The following KLF12 variants were observed in gnomAD, a reference collection of about 807,000 sequenced individuals.
KLF12 encodes KLF transcription factor 12, also known as Krueppel-like factor 12.
A neutral mutation model predicts 37.8 loss-of-function variants in KLF12; 9 were observed. The observed-to-expected ratio is 0.24, with a 90% CI of 0.14 to 0.42. The LOEUF (loss-of-function observed/expected upper bound fraction) is 0.42, where lower values mean the gene tolerates loss of function less well. Among genes scored for constraint, KLF12 ranks in the 10% least tolerant of loss-of-function variants. The pLI is 1.00. For missense variants in KLF12, 411 were observed against 516.0 expected (o/e 0.80, Z 1.97); for synonymous variants, 208 against 202.1 (o/e 1.03, Z -0.25).
At chr13:73,949,186 T>C (rs931975599) in intron 2 of KLF12, among the ~76,000 whole-genome samples, 1 of 152,206 alleles carries the variant, frequency 6.6e-6, no homozygotes, top group Non-Finnish European at 1.5e-5. Flanking sequence ...CCATACTCTA[T>C]GTACCTACCT....
At chr13:73,697,621 T>G (rs995775131) in intron 7 of KLF12, among the ~76,000 whole-genome samples, 1 of 152,196 alleles carries the variant, frequency 6.6e-6, no homozygotes, top group Non-Finnish European at 1.5e-5. Context: ...TGAGCATAGT[T>G]GAGCTTGATA....
chr13:74,163,183 A>G, the KLF12 span, among the ~76,000 whole-genome samples: 18 of 152,338 alleles, frequency 1.2e-4, no homozygotes, highest in African/African-American at 4.3e-4. Flanking sequence ...AGGTTCCTCA[A>G]AAACCTAAAA....
rs1454169857 is a variant in KLF12, at chr13:73,688,266, C to G, written c.*7224G>C. On this transcript the variant is annotated 3_prime_UTR_variant, in exon 8 of 8. Coordinates refer to ENST00000377669, the MANE Select transcript of KLF12 (RefSeq NM_007249.5). The stretch of plus-strand genomic sequence containing the variant: ...GTTGGACAGCTTCTTACATAAAATT[C>G]AATTAAACTAACAACAATACTATAA... 1 of 152,554 alleles carries G rather than the reference C, an allele frequency of 6.6e-6. No homozygotes were observed. Among genetic ancestry groups the G allele is most frequent in the African/African-American group, 2.4e-5 (1 of 41,420 alleles). The allele number at this position is 152,554 out of a possible 1,614,324, so 9.5% of individuals were successfully genotyped here.
chr13:74,001,608 C>T (rs969852616), intron 1 of KLF12, among the ~76,000 whole-genome samples: 1 of 152,168 alleles, frequency 6.6e-6, no homozygotes, highest in Non-Finnish European at 1.5e-5. Context: ...TATGCTTGGG[C>T]TGCCAATGCT....
chr13:73,828,421 T>C (rs1883963970), intron 4 of KLF12, among the ~76,000 whole-genome samples: 1 of 152,338 alleles, frequency 6.6e-6, no homozygotes, highest in South Asian at 2.1e-4. Flanking sequence ...GTCTTTTAGA[T>C]ATAATGTCTC....
At chr13:73,697,395 C>T (rs548909763) in intron 7 of KLF12, among the ~76,000 whole-genome samples, 1 of 152,110 alleles carries the variant, frequency 6.6e-6, no homozygotes, top group East Asian at 1.9e-4. Flanking sequence ...AAGCCTACTG[C>T]CTGGATTGAC....
At chr13:74,059,726 A>G (rs886074643) in intron 1 of KLF12, among the ~76,000 whole-genome samples, 1 of 151,896 alleles carries the variant, frequency 6.6e-6, no homozygotes, top group African/African-American at 2.4e-5. Context: ...CATTCTGTAG[A>G]TTGCCTGTTT....
the KLF12 span, among the ~76,000 whole-genome samples, chr13:74,196,593 A>G: frequency 6.6e-6 from 1 of 152,138 alleles, no homozygotes; most frequent in Non-Finnish European, 1.5e-5. Context: ...TTCATTAAAT[A>G]TTCTCCATCT....
At chr13:74,002,736 A>G (rs1892312909) in intron 1 of KLF12, among the ~76,000 whole-genome samples, 1 of 152,248 alleles carries the variant, frequency 6.6e-6, no homozygotes, top group South Asian at 2.1e-4. Context: ...GAAGAAGGTC[A>G]ACTCAACCAT....
In KLF12 at chr13:73,933,490, G is replaced by C. The variant is rs534238652; in HGVS notation, c.123+10491C>G. 1.2e-3 allele frequency among the ~76,000 whole-genome samples: 177 copies of C among 152,214 alleles called. 1 individual carries two copies. The highest frequency in any genetic ancestry group is 3.9e-3 in the African/African-American group (161 of 41,540). On this transcript the variant is annotated intron_variant, in intron 3 of 7. Transcript: ENST00000377669. The stretch of plus-strand genomic sequence containing the variant: ...AATGTTATCAGACATAAGAATTCCA[G>C]TTTCTGATCTGAGGACAGGCCTTGT...
intron 3 of KLF12, among the ~76,000 whole-genome samples, chr13:73,863,562 T>G (rs1183797670): frequency 2.0e-5 from 3 of 152,270 alleles, no homozygotes; most frequent in African/African-American, 7.2e-5. Flanking sequence ...TCAGTTATTA[T>G]TTTATCTATT....
intron 1 of KLF12, among the ~76,000 whole-genome samples, chr13:74,078,236 G>T (rs1874679660): frequency 6.6e-6 from 1 of 152,172 alleles, no homozygotes; most frequent in African/African-American, 2.4e-5. Context: ...AAAATTCCAT[G>T]CATAGAAGTA....
chr13:73,806,649 CA>C (rs11482328), intron 5 of KLF12, among the ~76,000 whole-genome samples: 1,787 of 108,208 alleles, frequency 0.017, 35 homozygotes, highest in African/African-American at 0.05. Flanking sequence ...AAAAAACAAA[CA>C]AAAAAAAAAA....
chr13:73,735,911 G>T (rs1877420837), intron 6 of KLF12, among the ~76,000 whole-genome samples: 1 of 151,646 alleles, frequency 6.6e-6, no homozygotes, highest in South Asian at 2.1e-4. Context: ...CTGCGACCAA[G>T]TACTTGTCTT....
intron 2 of KLF12, among the ~76,000 whole-genome samples, chr13:73,945,214 AC>A (rs1222331332): frequency 6.6e-6 from 1 of 152,202 alleles, no homozygotes; most frequent in Non-Finnish European, 1.5e-5. Flanking sequence ...CACGCCTGTA[AC>A]CCCAGCACTT....
intron 1 of KLF12, among the ~76,000 whole-genome samples, chr13:74,016,338 G>A (rs1391539827): frequency 1.3e-5 from 2 of 151,976 alleles, no homozygotes; most frequent in Non-Finnish European, 2.9e-5. Flanking sequence ...AAACAATACG[G>A]AGTATCTGGA....
intron 7 of KLF12, among the ~76,000 whole-genome samples, chr13:73,712,076 C>T (rs544936381): frequency 4.6e-5 from 7 of 152,216 alleles, no homozygotes; most frequent in South Asian, 4.1e-4. Context: ...CGGTGGCTCA[C>T]GCCTGTAATC....
At chr13:74,195,552 G>C in the KLF12 span, among the ~76,000 whole-genome samples, 1 of 152,118 alleles carries the variant, frequency 6.6e-6, no homozygotes, top group African/African-American at 2.4e-5. Flanking sequence ...ACCTTGAGAG[G>C]CAAGACTCAC....
chr13:74,229,812 A>G, the KLF12 span, among the ~76,000 whole-genome samples: 1 of 152,136 alleles, frequency 6.6e-6, no homozygotes, highest in Admixed American at 6.6e-5. Context: ...TCTGCTTCTT[A>G]TACAGACTAT....
Sources: gnomAD v4.1 joint callset for allele counts (sites outside exome capture counted in the v4.1 genomes callset) on GRCh38, gnomAD v4.1.1 for gene constraint, MANE v1.5 for transcripts, NCBI Gene and HGNC (gene_info 2026-07-23, HGNC 2026-07-21) for gene names.